Variants in SCN3A observed in about 807,000 individuals in gnomAD.
The protein encoded by SCN3A is sodium channel protein type 3 subunit alpha.
Under a neutral mutation model 187.6 loss-of-function variants are expected in SCN3A, and 60 were observed. That is an observed-to-expected ratio of 0.32 (90% CI 0.26 to 0.40). SCN3A has a LOEUF of 0.40. Among genes scored for constraint, SCN3A ranks in the 10% least tolerant of loss-of-function variants. SCN3A has a pLI of 1.00. For missense variants in SCN3A, 1,601 were observed against 2,428.2 expected (o/e 0.66, Z 7.16); for synonymous variants, 788 against 829.2 (o/e 0.95, Z 0.85).
At chr2:165,196,446 G>T (rs933715251) in intron 1 of SCN3A, among the ~76,000 whole-genome samples, 1 of 152,098 alleles carries the variant, frequency 6.6e-6, no homozygotes, top group Non-Finnish European at 1.5e-5. Flanking sequence ...GGTGAAGAAA[G>T]CATAGTTAAA....
chr2:165,139,480 C>T lies in SCN3A; in HGVS notation c.2148G>A (p.Met716Ile), dbSNP rs1271066590. The T allele has an allele frequency of 6.2e-7, 1 of 1,613,830 alleles. No homozygotes were observed. Residue 716 changes from methionine to isoleucine, a missense_variant, in exon 14 of 28, where the codon ATG becomes ATA. Coordinates refer to ENST00000283254, the MANE Select transcript of SCN3A (RefSeq NM_006922.4). ...GTTCCATGACCTGCTTCTTACCTTC[C>T]ATTGTGTTGGTCAGAATGCTGGCTA... is the stretch of plus-strand genomic sequence containing the variant. Reference protein sequence around the residue: ...VSIASILTNTMEELEESRQKC... With the variant: ...VSIASILTNTIEELEESRQKC...
chr2:165,091,912 T>C, intron 27 of SCN3A: 1 of 365,780 alleles, frequency 2.7e-6, no homozygotes, highest in Middle Eastern at 9.1e-4. Context: ...TCTTCAGTGC[T>C]TCTTACAATA....
intron 1 of SCN3A, among the ~76,000 whole-genome samples, chr2:165,203,184 T>C (rs907677594): frequency 2.6e-5 from 4 of 151,976 alleles, no homozygotes; most frequent in African/African-American, 9.7e-5. Flanking sequence ...AAACATTTAA[T>C]ATAAAATGAA....
intron 21 of SCN3A, among the ~76,000 whole-genome samples, chr2:165,104,970 C>G (rs1685775754): frequency 6.6e-6 from 1 of 152,090 alleles, no homozygotes; most frequent in East Asian, 1.9e-4. Flanking sequence ...GTGGAAAGCA[C>G]AGGAATAATT....
intron 2 of SCN3A, among the ~76,000 whole-genome samples, chr2:165,184,483 GA>G (rs397986547): frequency 0.36 from 21,402 of 59,344 alleles, 1,545 homozygotes; most frequent in East Asian, 0.52. Context: ...GTCTAGTTCA[GA>G]AAAAAAAAAA....
chr2:165,097,142 C>CT, intron 23 of SCN3A, 110 bp downstream of exon 23: 1 of 1,251,368 alleles, frequency 8.0e-7, no homozygotes, highest in Non-Finnish European at 1.1e-6. Context: ...TTATCATTAA[C>CT]TTTTTTTCAT....
In SCN3A at chr2:165,127,655, C is replaced by T. The variant is rs1687070906; in HGVS notation, c.3369G>A (p.Glu1123=). 6.2e-7 allele frequency: 1 copy of T among 1,613,940 alleles called. No individual in the cohort carries two copies. Among genetic ancestry groups the T allele is most frequent in the African/African-American group, 1.3e-5 (1 of 74,934 alleles). The part of the protein sequence containing the change: ...ENLNTEEFSS[E]SELEESKEKL... ...CCTCTTTGCTTTCTTCTAGTTCTGA[C>T]TCACTGCTGAACTCTTCAGTATTTA... The change falls in exon 18 of 28, where the codon GAG becomes GAA. Residue 1123 remains glutamate (E), a synonymous_variant. Transcript: ENST00000283254.
intron 11 of SCN3A, among the ~76,000 whole-genome samples, chr2:165,152,145 A>G (rs993083761): frequency 2.0e-5 from 3 of 152,228 alleles, no homozygotes; most frequent in African/African-American, 4.8e-5. Context: ...CTGGAATTCA[A>G]TTGAAGATTG....
At chr2:165,111,355 A>G (rs1686104582) in intron 21 of SCN3A, among the ~76,000 whole-genome samples, 1 of 152,110 alleles carries the variant, frequency 6.6e-6, no homozygotes, top group Non-Finnish European at 1.5e-5. Context: ...AAAAGATCAT[A>G]ATCTTCATAC....
chr2:165,138,213 T>C, intron 14 of SCN3A, 96 bp from the exon 15 acceptor site: 1 of 866,778 alleles, frequency 1.2e-6, no homozygotes, highest in South Asian at 1.4e-5. Flanking sequence ...TTGATGCTTA[T>C]ATTTGAAAAT....
intron 18 of SCN3A, among the ~76,000 whole-genome samples, chr2:165,125,977 CTTA>C (rs1468685473): frequency 6.6e-6 from 1 of 152,126 alleles, no homozygotes; most frequent in Non-Finnish European, 1.5e-5. Context: ...TATTTTCCAA[CTTA>C]TTATTATACT....
At chr2:165,110,439 C>T (rs562871666) in intron 21 of SCN3A, among the ~76,000 whole-genome samples, 4 of 152,264 alleles carry the variant, frequency 2.6e-5, no homozygotes, top group African/African-American at 7.2e-5. Flanking sequence ...ATGTAGTTTT[C>T]GAAAGATACA....
intron 2 of SCN3A, among the ~76,000 whole-genome samples, chr2:165,176,888 C>A (rs1690505946): frequency 6.6e-6 from 1 of 152,126 alleles, no homozygotes; most frequent in African/African-American, 2.4e-5. Flanking sequence ...CCCGCCTTTT[C>A]ATAACTTTGT....
chr2:165,136,930 A>G (rs2105797428), intron 15 of SCN3A, among the ~76,000 whole-genome samples: 1 of 152,276 alleles, frequency 6.6e-6, no homozygotes, highest in Non-Finnish European at 1.5e-5. Context: ...CCATGTTTTC[A>G]ACATGATCCC....
intron 2 of SCN3A, among the ~76,000 whole-genome samples, chr2:165,186,074 A>G (rs1156620748): frequency 1.3e-5 from 2 of 152,096 alleles, no homozygotes; most frequent in African/African-American, 4.8e-5. Flanking sequence ...GATCGAGACC[A>G]TCCTGGCTAA....
intron 10 of SCN3A, 145 bp downstream of exon 10, chr2:165,155,617 T>G: frequency 1.2e-6 from 1 of 838,904 alleles, no homozygotes; most frequent in Non-Finnish European, 1.9e-6. Context: ...CAGGCTGGTC[T>G]CGAATTCCTG....
At chr2:165,142,633 C>A (rs977670586) in intron 12 of SCN3A, among the ~76,000 whole-genome samples, 4 of 152,178 alleles carry the variant, frequency 2.6e-5, no homozygotes, top group Non-Finnish European at 5.9e-5. Context: ...GACATCAATT[C>A]ATCCCCCCAT....
chr2:165,157,787 C>T (rs1165772999), intron 9 of SCN3A, among the ~76,000 whole-genome samples: 1 of 152,094 alleles, frequency 6.6e-6, no homozygotes, highest in Non-Finnish European at 1.5e-5. Context: ...CATGGATAGT[C>T]ATTTTATATT....
intron 18 of SCN3A, among the ~76,000 whole-genome samples, chr2:165,126,502 CCTT>C (rs200133123): frequency 5.0e-5 from 7 of 139,522 alleles, no homozygotes; most frequent in African/African-American, 1.1e-4. Context: ...TTCTTTCTTT[CCTT>C]CTTTTTTTCT....
Sources: allele counts gnomAD v4.1 joint callset (sites outside exome capture counted in the v4.1 genomes callset), GRCh38; gene constraint gnomAD v4.1.1; transcripts MANE v1.5; gene names NCBI Gene and HGNC (gene_info 2026-07-23, HGNC 2026-07-21).